Variants in SLC25A13 observed in about 807,000 individuals in gnomAD.
The protein encoded by SLC25A13 is electrogenic aspartate/glutamate antiporter SLC25A13, mitochondrial.
A neutral mutation model predicts 85.5 loss-of-function variants in SLC25A13; 70 were observed. The observed-to-expected ratio is 0.82, with a 90% CI of 0.68 to 1.00. The LOEUF (loss-of-function observed/expected upper bound fraction) is 1.00. Among genes scored for constraint, SLC25A13 ranks in the 50% least tolerant of loss-of-function variants. SLC25A13 has a pLI of 0.00. For missense variants in SLC25A13, 765 were observed against 819.8 expected (o/e 0.93, Z 0.82); for synonymous variants, 259 against 288.7 (o/e 0.90, Z 1.04).
chr7:96,247,143 T>C (rs1797222697), intron 3 of SLC25A13, among the ~76,000 whole-genome samples: 1 of 152,248 alleles, frequency 6.6e-6, no homozygotes, highest in Non-Finnish European at 1.5e-5. Context: ...CCCGAATCTC[T>C]AGTCTGCCAG....
chr7:96,258,885 G>A (rs912538835), intron 3 of SLC25A13, among the ~76,000 whole-genome samples: 1 of 152,164 alleles, frequency 6.6e-6, no homozygotes, highest in South Asian at 2.1e-4. Context: ...CAATGGGACA[G>A]AATAGAAGCC....
At chr7:96,229,638 G>T (rs1340142759) in intron 4 of SLC25A13, among the ~76,000 whole-genome samples, 1 of 152,040 alleles carries the variant, frequency 6.6e-6, no homozygotes, top group African/African-American at 2.4e-5. Flanking sequence ...TGAGGCCAGC[G>T]ACACCACGAA....
At chr7:96,296,279 G>A (rs762178195) in intron 2 of SLC25A13, among the ~76,000 whole-genome samples, 9 of 152,014 alleles carry the variant, frequency 5.9e-5, no homozygotes, top group Non-Finnish European at 1.0e-4. Flanking sequence ...AACTTCCTAG[G>A]AGAAAAAGCT....
At chr7:96,293,597 A>G (rs1216174685) in intron 2 of SLC25A13, among the ~76,000 whole-genome samples, 1 of 152,116 alleles carries the variant, frequency 6.6e-6, no homozygotes, top group Non-Finnish European at 1.5e-5. Flanking sequence ...AAAACAAACA[A>G]CCCCATCAAA....
intron 3 of SLC25A13, among the ~76,000 whole-genome samples, chr7:96,272,286 G>A (rs1046896884): frequency 1.9e-4 from 29 of 152,266 alleles, no homozygotes; most frequent in African/African-American, 6.5e-4. Context: ...ATTAATGTAT[G>A]TAGCAACCAA....
At chr7:96,145,314 C>T (rs115754627) in intron 14 of SLC25A13, among the ~76,000 whole-genome samples, 2,222 of 152,232 alleles carry the variant, frequency 0.015, 55 homozygotes, top group African/African-American at 0.051. Context: ...CCTGGAGAAG[C>T]AGAGTACCAT....
chr7:96,133,477 TC>T (rs1792129667), intron 14 of SLC25A13, among the ~76,000 whole-genome samples: 1 of 152,316 alleles, frequency 6.6e-6, no homozygotes, highest in East Asian at 1.9e-4. Context: ...TGGAGGTAGT[TC>T]CAGAGACAAG....
At chr7:96,318,494 A>T (rs1027983797) in intron 1 of SLC25A13, among the ~76,000 whole-genome samples, 6 of 152,220 alleles carry the variant, frequency 3.9e-5, no homozygotes, top group African/African-American at 9.7e-5. Context: ...CGTAGGCAGC[A>T]AGAGAATGGA....
At chr7:96,240,747 G>GAAAA (rs531256400) in intron 3 of SLC25A13, among the ~76,000 whole-genome samples, 1 of 129,894 alleles carries the variant, frequency 7.7e-6, no homozygotes, top group Non-Finnish European at 1.6e-5. Flanking sequence ...CCATCTACTA[G>GAAAA]AAAAAAAAAA....
chr7:96,151,663 T>C (rs1325406167), intron 13 of SLC25A13, among the ~76,000 whole-genome samples: 1 of 148,806 alleles, frequency 6.7e-6, no homozygotes, highest in Non-Finnish European at 1.5e-5. Context: ...AAATAATAGG[T>C]CGGGTGCAGT....
chr7:96,258,944 G>C (rs1256845242), intron 3 of SLC25A13, among the ~76,000 whole-genome samples: 1 of 152,118 alleles, frequency 6.6e-6, no homozygotes, highest in East Asian at 1.9e-4. Context: ...TGACAAACCT[G>C]ACAAAAACAA....
intron 11 of SLC25A13, among the ~76,000 whole-genome samples, chr7:96,177,526 T>C (rs1388777900): frequency 6.6e-6 from 1 of 152,190 alleles, no homozygotes; most frequent in East Asian, 1.9e-4. Flanking sequence ...TGTGTAATTG[T>C]GGACAAGTTA....
At chr7:96,158,853 G>A (rs904175753) in intron 13 of SLC25A13, among the ~76,000 whole-genome samples, 2 of 152,288 alleles carry the variant, frequency 1.3e-5, no homozygotes, top group African/African-American at 4.8e-5. Flanking sequence ...ATAAAGACTT[G>A]TAAAGGAATC....
At chr7:96,309,187 A>C (rs116099195) in intron 1 of SLC25A13, among the ~76,000 whole-genome samples, 3 of 152,248 alleles carry the variant, frequency 2.0e-5, no homozygotes, top group South Asian at 2.1e-4. Context: ...GACCCAGGGT[A>C]CTACTGAGAC....
intron 12 of SLC25A13, among the ~76,000 whole-genome samples, chr7:96,170,448 T>C (rs1430993836): frequency 1.3e-5 from 2 of 152,164 alleles, no homozygotes; most frequent in Non-Finnish European, 1.5e-5. Context: ...AAAACATACA[T>C]CTTACAACTT....
At chr7:96,193,395 C>T (rs935211798) in intron 5 of SLC25A13, among the ~76,000 whole-genome samples, 10 of 152,172 alleles carry the variant, frequency 6.6e-5, no homozygotes, top group African/African-American at 1.4e-4. Flanking sequence ...AAAGTGCACT[C>T]TACCTTACTC....
chr7:96,237,739 T>G (rs1176975971), intron 3 of SLC25A13, among the ~76,000 whole-genome samples: 1 of 152,016 alleles, frequency 6.6e-6, no homozygotes, highest in Non-Finnish European at 1.5e-5. Flanking sequence ...TAAAATGTGG[T>G]TAGGACTGGA....
rs78641902 is a variant in SLC25A13 at position 96,293,798 on chromosome 7, G to A, written c.69+3100C>T. On this transcript the variant is annotated intron_variant, in intron 2 of 17. Transcript: ENST00000265631. Reference sequence around the variant, plus strand: ...GGAAACAACAGGAGCTGGAGAGGATGTGGAGAAATAGGAACACTTTTACAC... The same window carrying A: ...GGAAACAACAGGAGCTGGAGAGGATATGGAGAAATAGGAACACTTTTACAC... Among the ~76,000 whole-genome samples the A allele has an allele frequency of 7.1e-4, 108 of 152,326 alleles. 1 individual carries two copies. The highest frequency in any genetic ancestry group is 2.5e-3 in the African/African-American group (105 of 41,558).
At chr7:96,125,152 G>C (rs1486394632) in intron 15 of SLC25A13, among the ~76,000 whole-genome samples, 3 of 151,884 alleles carry the variant, frequency 2.0e-5, no homozygotes, top group African/African-American at 7.3e-5. Context: ...GGCTGCGCAC[G>C]ATCTTGGCTC....
Sources: allele counts gnomAD v4.1 joint callset (sites outside exome capture counted in the v4.1 genomes callset), GRCh38; gene constraint gnomAD v4.1.1; transcripts MANE v1.5; gene names NCBI Gene and HGNC (gene_info 2026-07-23, HGNC 2026-07-21).